The following INO80 variants were observed in gnomAD, a reference collection of about 807,000 sequenced individuals.
INO80 encodes the protein INO80 complex ATPase subunit, also known as chromatin-remodeling ATPase INO80.
Under a neutral mutation model 203.4 loss-of-function variants are expected in INO80, and 20 were observed. The observed-to-expected ratio is 0.10, with a 90% confidence interval of 0.07 to 0.14. The LOEUF is 0.14. Ranked by LOEUF, INO80 falls within the 10% of genes least tolerant of loss-of-function variation. INO80 has a pLI of 1.00. For synonymous variants in INO80, 726 were observed against 685.2 expected (o/e 1.06, Z -0.93); for missense variants, 1,419 against 1,914.4 (o/e 0.74, Z 4.83).
chr15:41,036,847 C>T (rs1004291461), intron 24 of INO80, among the ~76,000 whole-genome samples: 1 of 151,964 alleles, frequency 6.6e-6, no homozygotes, highest in Non-Finnish European at 1.5e-5. Context: ...TTTGGGAGGC[C>T]GAGGCAGGCC....
intron 4 of INO80, among the ~76,000 whole-genome samples, chr15:41,094,954 T>C (rs763740234): frequency 6.6e-6 from 1 of 151,784 alleles, no homozygotes; most frequent in Non-Finnish European, 1.5e-5. Context: ...GTGTATAAGG[T>C]GTATATAAAA....
At chr15:41,115,361 G>A (rs963021089) in intron 1 of INO80, among the ~76,000 whole-genome samples, 52 of 152,142 alleles carry the variant, frequency 3.4e-4, no homozygotes, top group African/African-American at 1.3e-3. Context: ...GTCAAAATAG[G>A]ATGACACTTT....
At chr15:41,114,168 G>A (rs1295539795) in intron 1 of INO80, among the ~76,000 whole-genome samples, 1 of 151,816 alleles carries the variant, frequency 6.6e-6, no homozygotes, top group African/African-American at 2.4e-5. Context: ...TCAGGAGGCT[G>A]AGGCAGGAGA....
At chr15:41,060,851 A>G (rs1045071648) in intron 14 of INO80, among the ~76,000 whole-genome samples, 1 of 152,234 alleles carries the variant, frequency 6.6e-6, no homozygotes, top group African/African-American at 2.4e-5. Flanking sequence ...AGAAGAAAAC[A>G]GTTGTGAGAG....
intron 29 of INO80, among the ~76,000 whole-genome samples, chr15:40,994,549 T>C (rs2043855408): frequency 6.6e-6 from 1 of 151,722 alleles, no homozygotes; most frequent in Non-Finnish European, 1.5e-5. Flanking sequence ...GTATTTTTAT[T>C]AGAGACAGGG....
chr15:41,023,807 C>CA (rs544076740), intron 25 of INO80, among the ~76,000 whole-genome samples: 4,440 of 111,386 alleles, frequency 0.04, 223 homozygotes, highest in African/African-American at 0.13. Context: ...AAAAAAGAAA[C>CA]AAAAAAAAAC....
At chr15:41,055,644 A>C (rs1374555440) in intron 17 of INO80, among the ~76,000 whole-genome samples, 1 of 152,244 alleles carries the variant, frequency 6.6e-6, no homozygotes, top group Non-Finnish European at 1.5e-5. Flanking sequence ...GCAATGGGAT[A>C]GTTTTAACGA....
chr15:41,058,553 G>C (rs1321288870), intron 16 of INO80, 86 bp downstream of exon 16: 6 of 622,796 alleles, frequency 9.6e-6, no homozygotes, highest in South Asian at 2.6e-5. Context: ...ATACAAGTCT[G>C]TGTGTGTGTG....
intron 1 of INO80, among the ~76,000 whole-genome samples, chr15:41,101,559 T>A: frequency 6.6e-6 from 1 of 151,778 alleles, no homozygotes. Flanking sequence ...AACTTTTTTT[T>A]TTTTTTTTGA....
chr15:40,982,791 T>C (rs1272167052), intron 35 of INO80, 71 bp downstream of exon 35: 4 of 1,287,380 alleles, frequency 3.1e-6, no homozygotes, highest in Non-Finnish European at 4.4e-6. Flanking sequence ...CTACATGTTC[T>C]ACCTGACTGA....
intron 26 of INO80, chr15:41,017,379 A>G (rs1035844503): frequency 7.2e-5 from 11 of 152,234 alleles, no homozygotes; most frequent in African/African-American, 2.2e-4. Context: ...GTAAGAGTAT[A>G]TGTGGAAGTG....
intron 27 of INO80, among the ~76,000 whole-genome samples, chr15:41,015,261 C>G (rs1467397760): frequency 6.6e-6 from 1 of 152,144 alleles, no homozygotes; most frequent in Non-Finnish European, 1.5e-5. Context: ...ACCCCAGGAC[C>G]TTTTAAATAT....
intron 27 of INO80, among the ~76,000 whole-genome samples, chr15:41,010,708 C>T (rs1473610634): frequency 3.9e-5 from 6 of 152,140 alleles, no homozygotes; most frequent in African/African-American, 1.4e-4. Flanking sequence ...GATAATTGGA[C>T]ACTTGAAAAA....
At chr15:41,061,630 T>TAAATAA (rs1300485815) in intron 14 of INO80, among the ~76,000 whole-genome samples, 1 of 150,836 alleles carries the variant, frequency 6.6e-6, no homozygotes, top group Admixed American at 6.6e-5. Flanking sequence ...TTCAAAAAAA[T>TAAATAA]AAATAAAATA....
intron 29 of INO80, among the ~76,000 whole-genome samples, chr15:40,990,477 C>T (rs1186619443): frequency 6.6e-6 from 1 of 152,196 alleles, no homozygotes; most frequent in African/African-American, 2.4e-5. Context: ...CCTACCATCT[C>T]AGCTTCCCAA....
rs1288996713 is a variant in INO80 at position 41,048,227 on chromosome 15, G to C, written c.2626C>G (p.Leu876Val). Residue 876 changes from leucine to valine, a missense_variant, in exon 22 of 36, where the codon CTC becomes GTC. Leu to Val is a conservative substitution (Grantham distance 32, BLOSUM62 1). Transcript: ENST00000648947. ...PFAPDYIQRS[L>V]FHRKGINEES... ...AAACACCTACCTTTTCTGTGAAAGA[G>C]AGACCGTTGGATATAGTCTGGTGCA... 1.2e-6 allele frequency: 2 copies of C among 1,612,936 alleles called. No homozygotes were observed. The highest frequency in any genetic ancestry group is 1.7e-6 in the Non-Finnish European group (2 of 1,179,244).
At chr15:41,090,703 GTAATGA>G (rs571689250) in intron 5 of INO80, among the ~76,000 whole-genome samples, 46 of 152,210 alleles carry the variant, frequency 3.0e-4, no homozygotes, top group African/African-American at 1.1e-3. Context: ...GAATTAGGCA[GTAATGA>G]TAGTAACACA....
intron 27 of INO80, among the ~76,000 whole-genome samples, chr15:41,009,756 TTTTAAA>T (rs897821786): frequency 2.0e-5 from 3 of 151,940 alleles, no homozygotes; most frequent in Non-Finnish European, 2.9e-5. Context: ...CCCAGCTAAT[TTTTAAA>T]TTTAAATTTA....
At chr15:41,085,876 C>T (rs1306679185) in intron 6 of INO80, among the ~76,000 whole-genome samples, 1 of 151,942 alleles carries the variant, frequency 6.6e-6, no homozygotes. Context: ...TATTTTTTTT[C>T]CGAGACGGAG....
Sources: allele counts gnomAD v4.1 joint callset (sites outside exome capture counted in the v4.1 genomes callset), GRCh38; gene constraint gnomAD v4.1.1; transcripts MANE v1.5; gene names NCBI Gene and HGNC (gene_info 2026-07-23, HGNC 2026-07-21).